CNTNAP2: variants seen among roughly 807,000 people sequenced by gnomAD.
CNTNAP2 encodes the protein contactin associated protein 2.
Under a neutral mutation model 155.2 loss-of-function variants are expected in CNTNAP2, and 98 were observed. That is an observed-to-expected ratio of 0.63 (90% CI 0.54 to 0.75). CNTNAP2 has a LOEUF of 0.75. Ranked by LOEUF, CNTNAP2 falls within the 30% of genes least tolerant of loss-of-function variation. The pLI, the probability that CNTNAP2 is intolerant of heterozygous loss-of-function variation, is 0.00. For synonymous variants in CNTNAP2, 651 were observed against 631.2 expected, an observed-to-expected ratio of 1.03 and a Z score of -0.47; for missense variants, 1,727 against 1,688.1, an observed-to-expected ratio of 1.02 and a Z score of -0.40.
In CNTNAP2 at chr7:146,352,082, A is replaced by G. The variant is rs528226755; in HGVS notation, c.97+235109A>G. Among the ~76,000 whole-genome samples, 10 of 152,326 alleles carry G rather than the reference A, an allele frequency of 6.6e-5. No homozygotes were observed. In the South Asian group the frequency reaches 1.0e-3, roughly 16 times the overall value. ...ACAAAATGGCAGAGTTGGGGCACAC[A>G]TACAGAATTTCAGAGTCCAAATTTT... On this transcript the variant is annotated intron_variant, in intron 1 of 23. Transcript: ENST00000361727.
At chr7:147,724,981 G>A (rs939730750) in intron 13 of CNTNAP2, among the ~76,000 whole-genome samples, 1 of 152,004 alleles carries the variant, frequency 6.6e-6, no homozygotes, top group African/African-American at 2.4e-5. Context: ...GGTTGATGAA[G>A]TCAAAGGGAC....
chr7:146,272,936 G>C (rs1584840761), intron 1 of CNTNAP2, among the ~76,000 whole-genome samples: 3 of 152,216 alleles, frequency 2.0e-5, no homozygotes, highest in African/African-American at 7.2e-5. Flanking sequence ...GAGACCAAAG[G>C]AGAAGTGAAG....
intron 1 of CNTNAP2, among the ~76,000 whole-genome samples, chr7:146,631,081 A>C (rs1222154148): frequency 6.6e-6 from 1 of 152,152 alleles, no homozygotes; most frequent in East Asian, 1.9e-4. Context: ...ATATGGACAA[A>C]AAAAGAGCCC....
At chr7:146,491,943 A>G (rs192037262) in intron 1 of CNTNAP2, among the ~76,000 whole-genome samples, 31 of 152,136 alleles carry the variant, frequency 2.0e-4, no homozygotes, top group Admixed American at 2.0e-3. Flanking sequence ...CTTGATCTAA[A>G]GATATGAGGA....
rs1454903934 is a variant in CNTNAP2 at position 146,901,898 on chromosome 7, C to T, written c.402+61994C>T. Among the ~76,000 whole-genome samples, 10 of 101,554 alleles carry T rather than the reference C, an allele frequency of 9.8e-5. No homozygotes were observed. In the East Asian group the frequency reaches 1.8e-3, roughly 18 times the overall value. The allele number at this position is 101,554 out of a possible 152,430, so 66.6% of individuals were successfully genotyped here. A position where few individuals can be genotyped will look rare whatever the true frequency, so the allele number is the denominator to read the frequency against. ...TTTTTTTTTTTTTTTTTTTTTGAGA[C>T]GGTCTCTGGCTCTGTCACCCAGGCT... is the stretch of plus-strand genomic sequence containing the variant. On this transcript the variant is annotated intron_variant, in intron 3 of 23. Coordinates refer to ENST00000361727, the MANE Select transcript of CNTNAP2 (RefSeq NM_014141.6).
intron 13 of CNTNAP2, among the ~76,000 whole-genome samples, chr7:147,796,162 C>T (rs756024988): frequency 2.6e-5 from 4 of 152,132 alleles, no homozygotes; most frequent in African/African-American, 9.7e-5. Flanking sequence ...AGAATAAAAG[C>T]TTTATGTGGA....
intron 1 of CNTNAP2, among the ~76,000 whole-genome samples, chr7:146,156,218 T>C (rs765469349): frequency 5.9e-5 from 9 of 152,190 alleles, no homozygotes; most frequent in Non-Finnish European, 1.3e-4. Context: ...TTTGTTACTA[T>C]GTTATGTACC....
At chr7:148,411,876 T>C (rs982384412) in intron 23 of CNTNAP2, among the ~76,000 whole-genome samples, 17 of 151,906 alleles carry the variant, frequency 1.1e-4, no homozygotes, top group African/African-American at 3.9e-4. Flanking sequence ...TGTGTGTCTA[T>C]TTTCTGGGCT....
chr7:148,154,963 A>G lies in CNTNAP2; in HGVS notation c.2773+7254A>G, dbSNP rs147753278. Among the ~76,000 whole-genome samples, 152 of 152,116 alleles carry G rather than the reference A, an allele frequency of 1.0e-3. 1 individual carries two copies. Among genetic ancestry groups the G allele is most frequent in the African/African-American group, 3.5e-3 (145 of 41,504 alleles). On this transcript the variant is annotated intron_variant, in intron 17 of 23. Coordinates refer to ENST00000361727, the MANE Select transcript of CNTNAP2 (RefSeq NM_014141.6). ...AAAAAAAAAAAAATGTACATCTCAA[A>G]TTGCAGGAATTATAACCTAGAGAAT...
intron 4 of CNTNAP2, among the ~76,000 whole-genome samples, chr7:147,047,363 C>A (rs66509567): frequency 6.7e-6 from 1 of 149,794 alleles, no homozygotes; most frequent in Non-Finnish European, 1.5e-5. Context: ...CCTCATGATC[C>A]GCCCACCTGG....
At chr7:148,119,765 TGAG>T (rs1405422760) in intron 16 of CNTNAP2, among the ~76,000 whole-genome samples, 6 of 152,170 alleles carry the variant, frequency 3.9e-5, no homozygotes, top group African/African-American at 1.4e-4. Flanking sequence ...GGGATTGTGA[TGAG>T]AATAGAATTT....
chr7:147,148,864 T>A (rs1264089970), intron 8 of CNTNAP2, among the ~76,000 whole-genome samples: 3 of 152,174 alleles, frequency 2.0e-5, no homozygotes, highest in African/African-American at 4.8e-5. Flanking sequence ...TGTTTGTTCC[T>A]CCAGGTGGGT....
At chr7:146,861,076 T>C (rs1464429766) in intron 3 of CNTNAP2, among the ~76,000 whole-genome samples, 1 of 152,204 alleles carries the variant, frequency 6.6e-6, no homozygotes, top group Non-Finnish European at 1.5e-5. Flanking sequence ...TTTTTTGTTT[T>C]TTGAGACCAA....
intron 2 of CNTNAP2, among the ~76,000 whole-genome samples, chr7:146,839,031 C>G (rs1431005478): frequency 1.3e-5 from 2 of 152,070 alleles, no homozygotes; most frequent in Non-Finnish European, 2.9e-5. Flanking sequence ...TTTTTACATT[C>G]TTACTATTTG....
chr7:147,387,093 C>A (rs771385930), intron 9 of CNTNAP2, among the ~76,000 whole-genome samples: 3 of 152,014 alleles, frequency 2.0e-5, no homozygotes, highest in Admixed American at 6.6e-5. Context: ...AAAGACCCAC[C>A]CCCATGACTC....
At chr7:147,421,798 C>T (rs1797295584) in intron 10 of CNTNAP2, among the ~76,000 whole-genome samples, 1 of 152,002 alleles carries the variant, frequency 6.6e-6, no homozygotes. Context: ...AATGAGCTCT[C>T]ACTCTGTGTT....
intron 2 of CNTNAP2, among the ~76,000 whole-genome samples, chr7:146,826,085 A>C (rs1409119300): frequency 6.6e-6 from 1 of 152,146 alleles, no homozygotes; most frequent in Admixed American, 6.6e-5. Context: ...GAAAATAATG[A>C]AGCTTCAGTA....
intron 15 of CNTNAP2, among the ~76,000 whole-genome samples, chr7:148,036,192 C>T (rs1409690757): frequency 6.6e-6 from 1 of 152,062 alleles, no homozygotes; most frequent in East Asian, 1.9e-4. Flanking sequence ...TGAGTTGGGG[C>T]TGGGATGAGT....
At chr7:146,694,448 G>C (rs534206994) in intron 1 of CNTNAP2, among the ~76,000 whole-genome samples, 2 of 152,240 alleles carry the variant, frequency 1.3e-5, no homozygotes, top group South Asian at 4.1e-4. Context: ...TGTCTATTCT[G>C]TTACATTGAT....
Sources: allele counts gnomAD v4.1 joint callset (sites outside exome capture counted in the v4.1 genomes callset), GRCh38; gene constraint gnomAD v4.1.1; transcripts MANE v1.5; gene names NCBI Gene and HGNC (gene_info 2026-07-23, HGNC 2026-07-21).